CDC14A: variants seen among roughly 807,000 people sequenced by gnomAD.
CDC14A encodes the protein dual specificity protein phosphatase CDC14A.
CDC14A carries 53 observed loss-of-function variants against 74.4 expected under a neutral mutation model. The observed-to-expected ratio is 0.71, with a 90% CI of 0.57 to 0.89. The LOEUF (loss-of-function observed/expected upper bound fraction) is 0.89. Among genes scored for constraint, CDC14A ranks in the 40% least tolerant of loss-of-function variants. The pLI, the probability that CDC14A is intolerant of heterozygous loss-of-function variation, is 0.00. For synonymous variants in CDC14A, 247 were observed against 258.4 expected (o/e 0.96, Z 0.43); for missense variants, 646 against 713.7 (o/e 0.91, Z 1.08).
At chr1:100,411,541 T>C (rs1310734891) in intron 4 of CDC14A, among the ~76,000 whole-genome samples, 1 of 152,220 alleles carries the variant, frequency 6.6e-6, no homozygotes, top group Non-Finnish European at 1.5e-5. Flanking sequence ...GACTCTGACT[T>C]ACTGAAGCCC....
Position 100,499,228 on chromosome 1 carries a change from C to G in CDC14A, c.1721C>G (p.Ser574Cys). 2 of 1,614,194 alleles carry G rather than the reference C, an allele frequency of 1.2e-6. No homozygotes were observed. The highest frequency in any genetic ancestry group is 8.5e-7 in the Non-Finnish European group (1 of 1,180,028). Residue 574 changes from serine (S) to cysteine (C), a missense_variant, in exon 15 of 16, where the codon TCT becomes TGT. By Grantham distance (112) the Ser-to-Cys change is moderately radical. Coordinates refer to ENST00000336454, the MANE Select transcript of CDC14A (RefSeq NM_003672.4). ...ILRPSYTGLS[S>C]SSARFLSRSI... ...CGACCCTCCTACACCGGGCTTTCTT[C>G]TTCTTCAGCGAGATTCCTGAGCCGT...
At chr1:100,429,745 T>G (rs902395548) in intron 5 of CDC14A, among the ~76,000 whole-genome samples, 1 of 144,326 alleles carries the variant, frequency 6.9e-6, no homozygotes, top group Non-Finnish European at 1.5e-5. Flanking sequence ...TCAAGTATAT[T>G]TATATATATA....
At chr1:100,397,603 AT>A (rs1438458289) in intron 4 of CDC14A, among the ~76,000 whole-genome samples, 5 of 152,248 alleles carry the variant, frequency 3.3e-5, no homozygotes, top group Admixed American at 1.3e-4. Context: ...TGACTGAAGA[AT>A]TGGAAAATAA....
At chr1:100,491,572 A>ATATTTTTTT (rs1418515078) in intron 11 of CDC14A, among the ~76,000 whole-genome samples, 2 of 25,100 alleles carry the variant, frequency 8.0e-5, no homozygotes, top group African/African-American at 1.6e-4. Context: ...ATATATATAT[A>ATATTTTTTT]TTTTTTTTTT....
At chr1:100,347,395 A>T (rs1259699767) in intron 1 of CDC14A, among the ~76,000 whole-genome samples, 1 of 152,274 alleles carries the variant, frequency 6.6e-6, no homozygotes, top group East Asian at 1.9e-4. Flanking sequence ...AGTTTGATGG[A>T]GTCTGTTTGA....
chr1:100,389,036 A>G (rs1211659813), intron 3 of CDC14A, among the ~76,000 whole-genome samples: 2 of 151,718 alleles, frequency 1.3e-5, no homozygotes, highest in Non-Finnish European at 2.9e-5. Flanking sequence ...TTTGCCAGGC[A>G]TGGTGGCATG....
chr1:100,443,403 C>T (rs1160314518), intron 7 of CDC14A, among the ~76,000 whole-genome samples: 1 of 151,958 alleles, frequency 6.6e-6, no homozygotes, highest in African/African-American at 2.4e-5. Flanking sequence ...GGCACAATCT[C>T]GGATCACTGC....
At chr1:100,489,141 TC>T (rs1670359081) in intron 11 of CDC14A, among the ~76,000 whole-genome samples, 1 of 152,144 alleles carries the variant, frequency 6.6e-6, no homozygotes, top group East Asian at 1.9e-4. Flanking sequence ...AAAGATGACA[TC>T]TTTGCCTTTC....
At chr1:100,409,630 A>G (rs1660407451) in intron 4 of CDC14A, among the ~76,000 whole-genome samples, 1 of 152,220 alleles carries the variant, frequency 6.6e-6, no homozygotes, top group African/African-American at 2.4e-5. Context: ...CAAGTTCAAA[A>G]TACGGCAGAG....
chr1:100,514,567 T>C (rs867474078), intron 15 of CDC14A, among the ~76,000 whole-genome samples: 26 of 152,308 alleles, frequency 1.7e-4, no homozygotes, highest in African/African-American at 5.8e-4. Flanking sequence ...CATTAAACTA[T>C]GGTAGCTAAG....
chr1:100,383,125 A>G (rs1656379700), intron 3 of CDC14A, among the ~76,000 whole-genome samples: 1 of 152,174 alleles, frequency 6.6e-6, no homozygotes, highest in Non-Finnish European at 1.5e-5. Context: ...AGGGGCTCCA[A>G]AGCAATGTCA....
intron 5 of CDC14A, among the ~76,000 whole-genome samples, chr1:100,435,824 A>T (rs745464856): frequency 0.34 from 18,114 of 53,010 alleles, 1,236 homozygotes; most frequent in African/African-American, 0.35. Flanking sequence ...GACTTCGTCT[A>T]AAAAAAAAAA....
intron 4 of CDC14A, among the ~76,000 whole-genome samples, chr1:100,414,912 G>T (rs547659699): frequency 3.0e-4 from 46 of 152,164 alleles, no homozygotes; most frequent in African/African-American, 1.1e-3. Flanking sequence ...CATTGGCTTG[G>T]TGTTTCCTTT....
At chr1:100,464,095 T>G (rs1460342361) in intron 9 of CDC14A, among the ~76,000 whole-genome samples, 1 of 152,196 alleles carries the variant, frequency 6.6e-6, no homozygotes, top group East Asian at 1.9e-4. Context: ...TTTCTATGTT[T>G]AAGATTTGAG....
chr1:100,459,132 G>C (rs777035617), intron 8 of CDC14A, among the ~76,000 whole-genome samples: 1,502 of 104,348 alleles, frequency 0.014, 12 homozygotes, highest in Admixed American at 0.032. Flanking sequence ...CACACAGAGA[G>C]AGAGAGAGAG....
At chr1:100,382,664 C>T (rs766991513) in intron 3 of CDC14A, among the ~76,000 whole-genome samples, 3 of 151,154 alleles carry the variant, frequency 2.0e-5, no homozygotes, top group African/African-American at 4.9e-5. Context: ...TTTTTTAATA[C>T]CTGCTGTTAT....
rs1557732405 is a variant in CDC14A at position 100,412,728 on chromosome 1, T to TATATATATATAAA, written c.310-11484_310-11483insAAAATATATATAT. On this transcript the variant is annotated intron_variant, in intron 4 of 15. Coordinates refer to ENST00000336454, the MANE Select transcript of CDC14A (RefSeq NM_003672.4). ...TATATATATATATATATATATTTTA[T>TATATATATATAAA]ATATATATATTTTATATATATATAT... is the stretch of plus-strand genomic sequence containing the variant. Among the ~76,000 whole-genome samples the TATATATATATAAA allele has an allele frequency of 9.6e-4, 94 of 98,134 alleles. 1 individual carries two copies. Among genetic ancestry groups the TATATATATATAAA allele is most frequent in the East Asian group, 2.3e-3 (10 of 4,316 alleles). 64.4% of individuals were successfully genotyped at this position (98,134 alleles called of 152,430 possible). A position where few individuals can be genotyped will look rare whatever the true frequency, so the allele number is the denominator to read the frequency against.
At chr1:100,476,243 A>G (rs1668886802) in intron 10 of CDC14A, among the ~76,000 whole-genome samples, 1 of 152,168 alleles carries the variant, frequency 6.6e-6, no homozygotes. Context: ...GCATGAGGTC[A>G]AGAGTTTGAG....
intron 10 of CDC14A, among the ~76,000 whole-genome samples, chr1:100,480,546 T>C (rs529125359): frequency 1.3e-5 from 2 of 152,196 alleles, no homozygotes; most frequent in Admixed American, 6.5e-5. Flanking sequence ...GGTAATTCTA[T>C]GTTTATCTTT....
Sources: allele counts gnomAD v4.1 joint callset (sites outside exome capture counted in the v4.1 genomes callset), GRCh38; gene constraint gnomAD v4.1.1; transcripts MANE v1.5; gene names NCBI Gene and HGNC (gene_info 2026-07-23, HGNC 2026-07-21).